The following KIR3DL2 variants were observed in gnomAD, a reference collection of about 807,000 sequenced individuals.
KIR3DL2 encodes killer cell immunoglobulin-like receptor 3DL2.
A neutral mutation model predicts 41.6 loss-of-function variants in KIR3DL2; 42 were observed. That is an observed-to-expected ratio of 1.01 (90% CI 0.79 to 1.31). The LOEUF is 1.31. Among genes scored for constraint, KIR3DL2 ranks in the 50% most tolerant of loss-of-function variants. The probability of loss-of-function intolerance (pLI) is 0.00; values close to 1 mark genes in which losing one functional copy is unlikely to be tolerated. For missense variants in KIR3DL2, 728 were observed against 576.8 expected (o/e 1.26, Z -2.68); for synonymous variants, 230 against 221.3 (o/e 1.04, Z -0.35).
Position 54,853,806 on chromosome 19 carries a change from A to G in KIR3DL2, c.415A>G (p.Thr139Ala). Reference sequence around the variant, plus strand: ...AGGGCCCCTGCTGAAATCAGGAGAGACAGTCATCCTGCAATGTTGGTCAGA... The same window carrying G: ...AGGGCCCCTGCTGAAATCAGGAGAGGCAGTCATCCTGCAATGTTGGTCAGA... ...HPGPLLKSGE[T>A]VILQCWSDVM... Residue 139 changes from threonine to alanine, a missense_variant, in exon 4 of 9, where the codon ACA becomes GCA. Thr to Ala is a moderately conservative substitution (Grantham distance 58, BLOSUM62 0). Coordinates refer to ENST00000326321, the MANE Select transcript of KIR3DL2 (RefSeq NM_006737.4). 3.7e-6 allele frequency: 6 copies of G among 1,612,526 alleles called. No individual in the cohort carries two copies. The highest frequency in any genetic ancestry group is 5.1e-6 in the Non-Finnish European group (6 of 1,179,270).
At position 54,852,223 on chromosome 19, in the gene KIR3DL2, GC is replaced by G; in HGVS notation, c.299del (p.Pro100HisfsTer15). 6.2e-7 allele frequency: 1 copy of G among 1,611,104 alleles called. No homozygotes were observed. Among genetic ancestry groups the G allele is most frequent in the Non-Finnish European group, 8.5e-7 (1 of 1,178,690 alleles). ...HAGTYRCRGS[R>X]PHSLTGWSAP... ...GGGACCTACAGATGTCGGGGTTCAC[GC>G]CCACACTCCCTCACTGGGTGGTCGG... is the stretch of plus-strand genomic sequence containing the variant. On this transcript the variant is annotated frameshift_variant, in exon 3 of 9. Transcript: ENST00000326321. LOFTEE classifies it high-confidence loss of function.
At position 54,853,893 on chromosome 19, in the gene KIR3DL2, G is replaced by A. The variant is rs765924648; in HGVS notation, c.502G>A (p.Val168Ile). The change falls in exon 4 of 9, where the codon GTT (valine) becomes ATT (isoleucine). Residue 168 changes from valine to isoleucine, a missense_variant. Coordinates refer to ENST00000326321, the MANE Select transcript of KIR3DL2 (RefSeq NM_006737.4). ...GATCTCTGAGGACCCCTCACGCCTC[G>A]TTGGACAGATCCATGATGGGGTCTC... ...EGISEDPSRL[V>I]GQIHDGVSKA... The A allele has an allele frequency of 4.2e-5, 67 of 1,613,224 alleles. 1 individual carries two copies. Among genetic ancestry groups the A allele is most frequent in the East Asian group, 2.9e-4 (13 of 44,864 alleles).
At chr19:54,857,799 G>C (rs1450556913) in intron 5 of KIR3DL2, among the ~76,000 whole-genome samples, 2 of 151,616 alleles carry the variant, frequency 1.3e-5, no homozygotes, top group African/African-American at 4.9e-5. Flanking sequence ...GCCCACCTCC[G>C]CCTCCCAAAG....
intron 7 of KIR3DL2, 51 bp from the exon 8 acceptor site, chr19:54,866,319 A>G (rs1190045443): frequency 6.2e-7 from 1 of 1,603,112 alleles, no homozygotes; most frequent in East Asian, 2.2e-5. Flanking sequence ...CCATGAAATG[A>G]GGACCCAGAA....
At position 54,855,899 on chromosome 19, in the gene KIR3DL2, T is replaced by A; in HGVS notation, c.936T>A (p.Leu312=). ...GGTCAAACTCAAGTGACCCACTGCT[T>A]GTTTCTGTCACAGGTGAGGAAAACC... The part of the protein sequence containing the change: ...CVWSNSSDPL[L]VSVTGNPSSS... The change falls in exon 5 of 9, where the codon CTT becomes CTA. Residue 312 remains leucine, a synonymous_variant. Coordinates refer to ENST00000326321, the MANE Select transcript of KIR3DL2 (RefSeq NM_006737.4). The A allele has an allele frequency of 6.2e-7, 1 of 1,613,152 alleles. No homozygotes were observed. The highest frequency in any genetic ancestry group is 2.2e-5 in the East Asian group (1 of 44,878).
intron 6 of KIR3DL2, among the ~76,000 whole-genome samples, chr19:54,860,276 GT>G (rs1337009873): frequency 6.6e-6 from 1 of 152,092 alleles, no homozygotes; most frequent in Non-Finnish European, 1.5e-5. Flanking sequence ...CTTGCAGATG[GT>G]TAAATGGGAG....
intron 4 of KIR3DL2, among the ~76,000 whole-genome samples, chr19:54,855,159 T>A (rs1397607403): frequency 6.6e-6 from 1 of 150,614 alleles, no homozygotes; most frequent in Non-Finnish European, 1.5e-5. Flanking sequence ...AGAGAGATGA[T>A]ACATAGATAC....
intron 5 of KIR3DL2, among the ~76,000 whole-genome samples, chr19:54,857,792 C>T (rs1411823645): frequency 2.0e-5 from 3 of 151,628 alleles, no homozygotes; most frequent in Non-Finnish European, 4.4e-5. Flanking sequence ...GTGATCCGCC[C>T]ACCTCCGCCT....
chr19:54,861,309 G>C (rs553826841), intron 6 of KIR3DL2, among the ~76,000 whole-genome samples: 21 of 152,040 alleles, frequency 1.4e-4, no homozygotes, highest in Non-Finnish European at 2.9e-5. Context: ...GCAGAGGAGG[G>C]AGAGCTAGAT....
Position 54,866,731 on chromosome 19 carries a change from G to A in KIR3DL2, c.1368G>A (p.Ter456=). 4.3e-6 allele frequency: 7 copies of A among 1,613,620 alleles called. No individual in the cohort carries two copies. Among genetic ancestry groups the A allele is most frequent in the Non-Finnish European group, 5.9e-6 (7 of 1,179,804 alleles). The change falls in exon 9 of 9, where the codon TAG becomes TAA. Residue 456 remains the stop codon, a stop_retained_variant. Transcript: ENST00000326321. ...AGTCAGGTCTTGAGGGGGTTTTCTA[G>A]GGAGACAACAGCCCTGTCTCAAAAC... ...APQSGLEGVF[*]
chr19:54,860,791 T>C (rs2065116681), intron 6 of KIR3DL2, among the ~76,000 whole-genome samples: 2 of 137,930 alleles, frequency 1.5e-5, no homozygotes, highest in Non-Finnish European at 1.6e-5. Context: ...CCCTGAAAGA[T>C]TGGCGGAAGG....
intron 3 of KIR3DL2, 62 bp downstream of exon 3, chr19:54,852,344 G>A (rs1350989746): frequency 1.9e-6 from 3 of 1,580,270 alleles, no homozygotes; most frequent in African/African-American, 1.4e-5. Flanking sequence ...AGCTTCTGGT[G>A]GGGGTGTCCA....
rs1394272474 is a variant in KIR3DL2, at chr19:54,854,163, C to A, written c.655+117C>A. The A allele has an allele frequency of 9.3e-6, 12 of 1,287,412 alleles. No individual in the cohort carries two copies. The African/African-American group carries it at 1.5e-4, about 16-fold the overall frequency. The allele number at this position is 1,287,412 out of a possible 1,614,324, so 79.7% of individuals were successfully genotyped here. ...AGCGTGGGATTCTTATGGAGAGAGA[C>A]TGACTCGGTGAGGTCTGTACCAACA... is the stretch of plus-strand genomic sequence containing the variant. On this transcript the variant is annotated intron_variant, in intron 4 of 8. Transcript: ENST00000326321.
At chr19:54,851,688 G>C (rs555689831) in intron 2 of KIR3DL2, among the ~76,000 whole-genome samples, 2 of 151,712 alleles carry the variant, frequency 1.3e-5, no homozygotes, top group East Asian at 1.9e-4. Context: ...CTCAGTTCAT[G>C]AATTGGCTGA....
At chr19:54,863,597 T>C (rs1285020222) in intron 6 of KIR3DL2, among the ~76,000 whole-genome samples, 1 of 152,186 alleles carries the variant, frequency 6.6e-6, no homozygotes, top group Non-Finnish European at 1.5e-5. Flanking sequence ...TGCATTTCTC[T>C]GATGGCCAGT....
Position 54,850,501 on chromosome 19 carries a change from C to T in KIR3DL2, c.26C>T (p.Ala9Val), listed in dbSNP as rs113522876. The T allele has an allele frequency of 2.2e-4, 351 of 1,609,106 alleles. 15 individuals are homozygous for T. The African/African-American group carries it at 4.2e-3, about 19-fold the overall frequency. ...ATGTCGCTCACGGTCGTCAGCATGG[C>T]GTGCGTTGGTGAGTCCTGGAAGGGA... Reference protein sequence around the residue: MSLTVVSMACVGFFLLQGA... With the variant: MSLTVVSMVCVGFFLLQGA... Residue 9 changes from alanine to valine, a missense_variant, in exon 1 of 9, where the codon GCG becomes GTG. Ala to Val is a moderately conservative substitution (Grantham distance 64). Coordinates refer to ENST00000326321, the MANE Select transcript of KIR3DL2 (RefSeq NM_006737.4).
chr19:54,852,242 G>A lies in KIR3DL2; in HGVS notation c.315G>A (p.Gly105=). The A allele has an allele frequency of 6.2e-7, 1 of 1,610,856 alleles. No individual in the cohort carries two copies. Among genetic ancestry groups the A allele is most frequent in the Non-Finnish European group, 8.5e-7 (1 of 1,178,406 alleles). The stretch of plus-strand genomic sequence containing the variant: ...GTTCACGCCCACACTCCCTCACTGG[G>A]TGGTCGGCACCCAGCAACCCCCTGG... ...CRGSRPHSLT[G]WSAPSNPLVI... Residue 105 remains glycine, a synonymous_variant, in exon 3 of 9, where the codon GGG becomes GGA. Coordinates refer to ENST00000326321, the MANE Select transcript of KIR3DL2 (RefSeq NM_006737.4).
intron 6 of KIR3DL2, among the ~76,000 whole-genome samples, chr19:54,861,075 A>G (rs2065141246): frequency 6.8e-6 from 1 of 147,898 alleles, no homozygotes; most frequent in Non-Finnish European, 1.5e-5. Context: ...CAGTTGCATA[A>G]CTGGAATCTA....
In KIR3DL2 at chr19:54,863,733, T is replaced by C. The variant is rs1350944753; in HGVS notation, c.1001-2072T>C. 2.6e-5 allele frequency among the ~76,000 whole-genome samples: 4 copies of C among 152,058 alleles called. 1 individual carries two copies. The highest frequency in any genetic ancestry group is 2.6e-4 in the Admixed American group (4 of 15,270). On this transcript the variant is annotated intron_variant, in intron 6 of 8. Transcript: ENST00000326321. ...TTTTTTTCTTGTAAATTTGTTTGAGTTCATTGTAGATTCTGGATATTAGCC... is the reference window on the plus strand; with the variant it reads ...TTTTTTTCTTGTAAATTTGTTTGAGCTCATTGTAGATTCTGGATATTAGCC...
Sources: gnomAD v4.1 joint callset for allele counts (sites outside exome capture counted in the v4.1 genomes callset) on GRCh38, gnomAD v4.1.1 for gene constraint, MANE v1.5 for transcripts, NCBI Gene and HGNC (gene_info 2026-07-23, HGNC 2026-07-21) for gene names.